Variants in DBNL observed in about 807,000 individuals in gnomAD.
DBNL encodes the protein drebrin-like protein.
DBNL carries 35 observed loss-of-function variants against 62.2 expected under a neutral mutation model. That is an observed-to-expected ratio of 0.56 (90% CI 0.43 to 0.75). DBNL has a LOEUF of 0.75. Ranked by LOEUF, DBNL falls within the 30% of genes least tolerant of loss-of-function variation. The pLI, the probability that DBNL is intolerant of heterozygous loss-of-function variation, is 0.00. For synonymous variants in DBNL, 197 were observed against 218.0 expected, an observed-to-expected ratio of 0.90 and a Z score of 0.85; for missense variants, 495 against 578.4, an observed-to-expected ratio of 0.86 and a Z score of 1.48.
rs185162911 is a variant in DBNL, at chr7:44,050,341, T to C, written c.139+61T>C. 1.6e-4 allele frequency: 249 copies of C among 1,571,998 alleles called. No homozygotes were observed. The African/African-American group carries it at 3.1e-3, about 20-fold the overall frequency. Reference sequence around the variant, plus strand: ...GAGGTAGGAGGGTGACGACGAGGGGTCAGCGCACTCAGCTGTCTTGGTCCA... The same window carrying C: ...GAGGTAGGAGGGTGACGACGAGGGGCCAGCGCACTCAGCTGTCTTGGTCCA... On this transcript the variant is annotated intron_variant, in intron 2 of 12. Transcript: ENST00000448521.
chr7:44,064,855 C>G lies in DBNL; in HGVS notation c.*3939C>G. 1 of 1,609,778 alleles carries G rather than the reference C, an allele frequency of 6.2e-7. No homozygotes were observed. The highest frequency in any genetic ancestry group is 8.5e-7 in the Non-Finnish European group (1 of 1,179,208). On this transcript the variant is annotated 3_prime_UTR_variant, in exon 13 of 13. Transcript: ENST00000448521. ...ACCTTCCAGGTGCTTGACAATGCCC[C>G]GCAGGCTGTTCCCGTGGGCTGCAAT...
intron 1 of DBNL, among the ~76,000 whole-genome samples, chr7:44,049,143 C>T (rs966179695): frequency 7.2e-5 from 11 of 152,216 alleles, no homozygotes; most frequent in African/African-American, 2.6e-4. Context: ...ACACGAGCCA[C>T]CCACCTGGCC....
In DBNL at chr7:44,064,776, A is replaced by C; in HGVS notation, c.*3860A>C. 6.9e-7 allele frequency: 1 copy of C among 1,459,578 alleles called. No homozygotes were observed. Among genetic ancestry groups the C allele is most frequent in the East Asian group, 2.4e-5 (1 of 41,850 alleles). 90.4% of individuals were successfully genotyped at this position (1,459,578 alleles called of 1,614,324 possible). On this transcript the variant is annotated 3_prime_UTR_variant, in exon 13 of 13. Coordinates refer to ENST00000448521, the MANE Select transcript of DBNL (RefSeq NM_001014436.3). Reference sequence around the variant, plus strand: ...GGCGAGAGACTTTGCTGAGATGAGAAGCCAGCTGGGGCTGCTGCCCACCCA... The same window carrying C: ...GGCGAGAGACTTTGCTGAGATGAGACGCCAGCTGGGGCTGCTGCCCACCCA...
chr7:44,064,837 A>T lies in DBNL; in HGVS notation c.*3921A>T. The T allele has an allele frequency of 7.2e-7, 1 of 1,397,154 alleles. No homozygotes were observed. Among genetic ancestry groups the T allele is most frequent in the Non-Finnish European group, 9.6e-7 (1 of 1,045,220 alleles). 86.5% of individuals were successfully genotyped at this position (1,397,154 alleles called of 1,614,324 possible). ...GCTCCTGAAGGTGGCCTCACCTTCC[A>T]GGTGCTTGACAATGCCCCGCAGGCT... On this transcript the variant is annotated 3_prime_UTR_variant, in exon 13 of 13. Transcript: ENST00000448521.
chr7:44,059,578 C>G lies in DBNL; in HGVS notation c.967C>G (p.Pro323Ala), dbSNP rs537588038. Reference sequence around the variant, plus strand: ...TGAGGAGCCGGCGCCCAGCACTCCTCCATGTCTGGTGCAGGCAGAAGAGGA... The same window carrying G: ...TGAGGAGCCGGCGCCCAGCACTCCTGCATGTCTGGTGCAGGCAGAAGAGGA... ...PAEEPAPSTP[P>A]CLVQAEEEAV... Residue 323 changes from proline to alanine, a missense_variant, in exon 11 of 13, where the codon CCA (proline) becomes GCA (alanine). Transcript: ENST00000448521. This position sits in a 1 kb window ranked among gnomAD's most constrained non-coding sequence, Gnocchi z 4.1. The G allele has an allele frequency of 4.3e-6, 7 of 1,612,644 alleles. No homozygotes were observed. In the East Asian group the frequency reaches 1.3e-4, roughly 31 times the overall value.
intron 4 of DBNL, among the ~76,000 whole-genome samples, chr7:44,053,203 C>T (rs1207837617): frequency 6.6e-6 from 1 of 152,154 alleles, no homozygotes; most frequent in African/African-American, 2.4e-5. Context: ...GAGCTGGTGC[C>T]GTGAGAAGGG....
intron 8 of DBNL, 23 bp from the exon 9 acceptor site, chr7:44,058,879 G>A (rs1185159908): frequency 6.2e-7 from 1 of 1,613,916 alleles, no homozygotes; most frequent in Non-Finnish European, 8.5e-7. Flanking sequence ...CCACTGCAGG[G>A]GTCAACATGT....
rs145524590 is a variant in DBNL at position 44,056,871 on chromosome 7, C to T, written c.442C>T (p.Arg148Cys). The change falls in exon 5 of 13, where the codon CGC becomes TGC. Residue 148 changes from arginine to cysteine, a missense_variant. By Grantham distance (180) the Arg-to-Cys change is radical (BLOSUM62 -3). Transcript: ENST00000448521. ...CTACAGCTTTCACAAGGAGAGTGGCCGCTTCCAGGACGTGGGACCCCAGGC... is the reference window on the plus strand; with the variant it reads ...CTACAGCTTTCACAAGGAGAGTGGCTGCTTCCAGGACGTGGGACCCCAGGC... The part of the protein sequence containing the change: ...ANYSFHKESG[R>C]FQDVGPQAPV... 1.4e-5 allele frequency: 22 copies of T among 1,613,956 alleles called. No individual in the cohort carries two copies. The African/African-American group carries it at 2.1e-4, about 16-fold the overall frequency.
Position 44,063,259 on chromosome 7 carries a change from C to A in DBNL, c.*2343C>A. On this transcript the variant is annotated 3_prime_UTR_variant, in exon 13 of 13. Transcript: ENST00000448521. The stretch of plus-strand genomic sequence containing the variant: ...TGAGGGTCAGGAAGGGACACTCACC[C>A]TTTGTTTTTTTTTTTTCTTTTCTTT... 1 of 381,358 alleles carries A rather than the reference C, an allele frequency of 2.6e-6. No individual in the cohort carries two copies. The highest frequency in any genetic ancestry group is 4.9e-6 in the Non-Finnish European group (1 of 205,712). The allele number at this position is 381,358 out of a possible 1,614,324, so 23.6% of individuals were successfully genotyped here.
intron 1 of DBNL, among the ~76,000 whole-genome samples, chr7:44,046,960 T>C (rs1239850473): frequency 6.6e-6 from 1 of 152,188 alleles, no homozygotes; most frequent in Non-Finnish European, 1.5e-5. Context: ...AGCTGGTTCC[T>C]CTTCAGAGTC....
Position 44,058,990 on chromosome 7 carries a change from T to G in DBNL, c.835+7T>G. 2 of 1,613,624 alleles carry G rather than the reference T, an allele frequency of 1.2e-6. No homozygotes were observed. Among genetic ancestry groups the G allele is most frequent in the Non-Finnish European group, 1.7e-6 (2 of 1,179,868 alleles). On this transcript the variant is annotated splice_region_variant and intron_variant, in intron 9 of 12. Coordinates refer to ENST00000448521, the MANE Select transcript of DBNL (RefSeq NM_001014436.3). ...ATCTCCAGTCCTCAGCCTGGTGAGC[T>G]CTCCCTTTGGGCCTGGCCATGAGGC...
intron 4 of DBNL, among the ~76,000 whole-genome samples, chr7:44,054,406 T>C (rs969450824): frequency 6.6e-6 from 1 of 152,178 alleles, no homozygotes; most frequent in Non-Finnish European, 1.5e-5. Context: ...TTGGCCAGGC[T>C]GGTCTGGAAT....
chr7:44,055,269 C>G (rs1016957203), intron 4 of DBNL, among the ~76,000 whole-genome samples: 6 of 152,186 alleles, frequency 3.9e-5, no homozygotes, highest in Non-Finnish European at 4.4e-5. Context: ...AGTTCAAGAC[C>G]AGCCTGGCCA....
At chr7:44,048,200 C>A (rs1487478891) in intron 1 of DBNL, among the ~76,000 whole-genome samples, 1 of 152,202 alleles carries the variant, frequency 6.6e-6, no homozygotes, top group Non-Finnish European at 1.5e-5. Flanking sequence ...CCGGCATGAG[C>A]CATCGCAGCT....
chr7:44,058,352 G>C (rs1320709795), intron 7 of DBNL, 72 bp downstream of exon 7: 7 of 1,607,050 alleles, frequency 4.4e-6, no homozygotes, highest in Non-Finnish European at 6.0e-6. Context: ...CCATCCCATG[G>C]AGGCGAGGAG....
chr7:44,058,559 C>T, intron 8 of DBNL, 79 bp downstream of exon 8: 2 of 1,556,660 alleles, frequency 1.3e-6, no homozygotes, highest in Non-Finnish European at 8.8e-7. Flanking sequence ...GAGGGCCCAG[C>T]CCAGACCTGG....
chr7:44,065,811 G>C lies in DBNL; in HGVS notation c.*4895G>C. The C allele has an allele frequency of 1.9e-6, 1 of 539,480 alleles. No homozygotes were observed. The highest frequency in any genetic ancestry group is 2.0e-5 in the South Asian group (1 of 49,764). 33.4% of individuals were successfully genotyped at this position (539,480 alleles called of 1,614,324 possible). A position where few individuals can be genotyped will look rare whatever the true frequency, so the allele number is the denominator to read the frequency against. The stretch of plus-strand genomic sequence containing the variant: ...AGCTGGCACCCAGAGCCCAGACTGA[G>C]TGGGGCTGCTGGTCAGGGATGGGCG... On this transcript the variant is annotated 3_prime_UTR_variant, in exon 13 of 13. Coordinates refer to ENST00000448521, the MANE Select transcript of DBNL (RefSeq NM_001014436.3).
chr7:44,060,678 G>A lies in DBNL; in HGVS notation c.1154-99G>A, dbSNP rs748414306. 156 of 1,482,892 alleles carry A rather than the reference G, an allele frequency of 1.1e-4. No homozygotes were observed. The highest frequency in any genetic ancestry group is 1.3e-4 in the Non-Finnish European group (146 of 1,093,296). The allele number at this position is 1,482,892 out of a possible 1,614,324, so 91.9% of individuals were successfully genotyped here. A position where few individuals can be genotyped will look rare whatever the true frequency, so the allele number is the denominator to read the frequency against. On this transcript the variant is annotated intron_variant, in intron 12 of 12. Coordinates refer to ENST00000448521, the MANE Select transcript of DBNL (RefSeq NM_001014436.3). The surrounding 1 kb of genome is among the most constrained non-coding windows in gnomAD (Gnocchi z 6.3). ...TCTGAGGAGGAACCAGAGCTGCAGC[G>A]AGGTGTGCTGCAGCAGTGTGGGGCT...
chr7:44,050,513 G>T (rs1189865528), intron 2 of DBNL: 2 of 435,392 alleles, frequency 4.6e-6, no homozygotes, highest in East Asian at 9.1e-5. Flanking sequence ...GGGGAGAGCT[G>T]AGAGGGAAAC....
Sources: allele counts gnomAD v4.1 joint callset (sites outside exome capture counted in the v4.1 genomes callset), GRCh38; gene constraint gnomAD v4.1.1; non-coding constraint Gnocchi (gnomAD v3.1); transcripts MANE v1.5; gene names NCBI Gene and HGNC (gene_info 2026-07-23, HGNC 2026-07-21).